Variants in SHISA9 observed in about 807,000 individuals in gnomAD.
SHISA9 encodes protein shisa-9.
In SHISA9, 13 loss-of-function variants were observed where a neutral mutation model predicts 38.0. The observed-to-expected ratio is 0.34, with a 90% CI of 0.22 to 0.54. The LOEUF (loss-of-function observed/expected upper bound fraction) is 0.54, where lower values mean the gene tolerates loss of function less well. SHISA9 is among the 20% of genes least tolerant of loss of function. The pLI, the probability that SHISA9 is intolerant of heterozygous loss-of-function variation, is 0.91. For synonymous variants in SHISA9, 275 were observed against 242.0 expected (o/e 1.14, Z -1.27); for missense variants, 538 against 575.8 (o/e 0.93, Z 0.67).
the SHISA9 span, among the ~76,000 whole-genome samples, chr16:13,561,251 A>T: frequency 6.6e-6 from 1 of 152,180 alleles, no homozygotes; most frequent in Non-Finnish European, 1.5e-5. Context: ...GTCCCAGAAT[A>T]TTAGAAGCGT....
chr16:13,522,742 A>T, the SHISA9 span, among the ~76,000 whole-genome samples: 1 of 152,188 alleles, frequency 6.6e-6, no homozygotes. Flanking sequence ...GTCTTCCCTG[A>T]TGCTAATAAC....
the SHISA9 span, among the ~76,000 whole-genome samples, chr16:13,434,759 C>A: frequency 0.46 from 70,082 of 151,920 alleles, 16,637 homozygotes; most frequent in East Asian, 0.75. Context: ...CTCAATAATT[C>A]TCATTAGAAT....
At chr16:13,054,528 A>G (rs1389187726) in intron 2 of SHISA9, among the ~76,000 whole-genome samples, 2 of 152,256 alleles carry the variant, frequency 1.3e-5, no homozygotes, top group African/African-American at 4.8e-5. Context: ...GGTGAATCAA[A>G]GAGAATGTCT....
chr16:13,110,003 T>C (rs998907059), intron 2 of SHISA9, among the ~76,000 whole-genome samples: 2 of 152,208 alleles, frequency 1.3e-5, no homozygotes, highest in African/African-American at 2.4e-5. Context: ...TTCATTTCTT[T>C]TGAGTAGATA....
chr16:13,024,080 T>G (rs1451128839), intron 2 of SHISA9, among the ~76,000 whole-genome samples: 2 of 152,218 alleles, frequency 1.3e-5, no homozygotes, highest in Admixed American at 6.5e-5. Flanking sequence ...TCATCTCCAT[T>G]AATCCTCACT....
chr16:13,017,394 A>G (rs992417919), intron 2 of SHISA9, among the ~76,000 whole-genome samples: 2 of 152,210 alleles, frequency 1.3e-5, no homozygotes, highest in Non-Finnish European at 2.9e-5. Flanking sequence ...TCACATTGTC[A>G]GCCTTCCATG....
chr16:13,347,903 A>G, the SHISA9 span, among the ~76,000 whole-genome samples: 66 of 152,166 alleles, frequency 4.3e-4, no homozygotes, highest in Non-Finnish European at 3.1e-4. Context: ...ATTACATGGC[A>G]AAGAGGAATT....
the SHISA9 span, among the ~76,000 whole-genome samples, chr16:13,404,188 T>A: frequency 6.6e-6 from 1 of 152,170 alleles, no homozygotes; most frequent in Non-Finnish European, 1.5e-5. Flanking sequence ...CAATGACGTA[T>A]CTAGGGTATC....
At chr16:13,233,592 A>G (rs893723046) in intron 4 of SHISA9, among the ~76,000 whole-genome samples, 8 of 152,346 alleles carry the variant, frequency 5.3e-5, no homozygotes, top group African/African-American at 1.7e-4. Context: ...AGCAGAACAA[A>G]AGCAGCTATG....
intron 2 of SHISA9, among the ~76,000 whole-genome samples, chr16:13,120,059 G>C (rs944152867): frequency 2.0e-5 from 3 of 152,142 alleles, no homozygotes; most frequent in African/African-American, 7.2e-5. Flanking sequence ...GGTGATCAGA[G>C]CTGGCATAAC....
chr16:13,302,780 A>C, the SHISA9 span, among the ~76,000 whole-genome samples: 1 of 152,038 alleles, frequency 6.6e-6, no homozygotes, highest in Non-Finnish European at 1.5e-5. Context: ...TAATCCCCAT[A>C]ATCCCCATGT....
chr16:13,301,811 C>G, the SHISA9 span, among the ~76,000 whole-genome samples: 10 of 152,258 alleles, frequency 6.6e-5, no homozygotes, highest in East Asian at 1.5e-3. Context: ...AAGATTTGGG[C>G]TCAAATCCTG....
In SHISA9 at chr16:12,916,625, G is replaced by A. The variant is rs887307841; in HGVS notation, c.564-63G>A. 6.6e-6 allele frequency: 10 copies of A among 1,522,202 alleles called. No individual in the cohort carries two copies. The Admixed American group carries it at 1.3e-4, about 19-fold the overall frequency. The allele number at this position is 1,522,202 out of a possible 1,614,324, so 94.3% of individuals were successfully genotyped here. On this transcript the variant is annotated intron_variant, in intron 1 of 4. Coordinates refer to ENST00000558583, the MANE Select transcript of SHISA9 (RefSeq NM_001145204.3). ...CATTTGTTCGCGACTGCAGTACTCG[G>A]CGCATAGCAGCTGCCAGTCATTGTG...
At chr16:13,151,458 C>A (rs1029369987) in intron 2 of SHISA9, among the ~76,000 whole-genome samples, 4 of 152,260 alleles carry the variant, frequency 2.6e-5, no homozygotes, top group Middle Eastern at 3.4e-3. Flanking sequence ...GAACAACAAC[C>A]AGCTCACCTT....
intron 1 of SHISA9, among the ~76,000 whole-genome samples, chr16:12,913,158 G>T (rs963618936): frequency 6.6e-6 from 1 of 152,150 alleles, no homozygotes; most frequent in African/African-American, 2.4e-5. Context: ...TATATAGGTT[G>T]GTGCAAAAGT....
intron 3 of SHISA9, among the ~76,000 whole-genome samples, chr16:13,207,592 C>A (rs958111790): frequency 6.6e-5 from 10 of 151,886 alleles, no homozygotes; most frequent in Non-Finnish European, 4.4e-5. Context: ...CCCTCCTGTT[C>A]TTCATCCTTT....
intron 2 of SHISA9, among the ~76,000 whole-genome samples, chr16:13,014,448 G>A (rs554969334): frequency 6.6e-6 from 1 of 152,316 alleles, no homozygotes; most frequent in African/African-American, 2.4e-5. Context: ...AGGTAATTAA[G>A]CAGAGCAAGT....
intron 2 of SHISA9, among the ~76,000 whole-genome samples, chr16:13,191,115 C>G (rs2050881391): frequency 1.3e-5 from 2 of 152,172 alleles, no homozygotes; most frequent in East Asian, 1.9e-4. Context: ...GTATTTCAAA[C>G]CATAATTTTA....
intron 2 of SHISA9, among the ~76,000 whole-genome samples, chr16:13,121,339 A>G (rs554579246): frequency 6.6e-6 from 1 of 152,102 alleles, no homozygotes; most frequent in African/African-American, 2.4e-5. Flanking sequence ...AAATTTTAAA[A>G]TTAGCCAGGT....
Sources: allele counts gnomAD v4.1 joint callset (sites outside exome capture counted in the v4.1 genomes callset), GRCh38; gene constraint gnomAD v4.1.1; transcripts MANE v1.5; gene names NCBI Gene and HGNC (gene_info 2026-07-23, HGNC 2026-07-21).